GALNT13: variants seen among roughly 807,000 people sequenced by gnomAD.
GALNT13 encodes polypeptide N-acetylgalactosaminyltransferase 13, also known as UDP-GalNAc:polypeptide N-acetylgalactosaminyltransferase 13.
GALNT13 carries 28 observed loss-of-function variants against 64.2 expected under a neutral mutation model. That is an observed-to-expected ratio of 0.44 (90% CI 0.32 to 0.60). The LOEUF (loss-of-function observed/expected upper bound fraction) is 0.60, where lower values mean the gene tolerates loss of function less well. Among genes scored for constraint, GALNT13 ranks in the 20% least tolerant of loss-of-function variants. The probability of loss-of-function intolerance (pLI) is 0.05; values close to 1 mark genes in which losing one functional copy is unlikely to be tolerated. For missense variants in GALNT13, 577 were observed against 669.8 expected, an observed-to-expected ratio of 0.86 and a Z score of 1.53; for synonymous variants, 214 against 224.6, an observed-to-expected ratio of 0.95 and a Z score of 0.42.
At chr2:154,040,119 T>C (rs1233451356) in intron 3 of GALNT13, among the ~76,000 whole-genome samples, 1 of 141,002 alleles carries the variant, frequency 7.1e-6, no homozygotes, top group African/African-American at 2.4e-5. Flanking sequence ...AAGTGTTGAA[T>C]GCACAGTGTC....
At chr2:154,372,639 TA>T (rs1697763980) in intron 9 of GALNT13, among the ~76,000 whole-genome samples, 1 of 152,032 alleles carries the variant, frequency 6.6e-6, no homozygotes, top group Non-Finnish European at 1.5e-5. Context: ...GGAAGTGAGG[TA>T]AAATATAAAC....
the GALNT13 span, among the ~76,000 whole-genome samples, chr2:153,315,474 T>C: frequency 6.6e-6 from 1 of 152,200 alleles, no homozygotes; most frequent in South Asian, 2.1e-4. Flanking sequence ...TGGGAAAACA[T>C]AATCATTCAG....
intron 7 of GALNT13, among the ~76,000 whole-genome samples, chr2:154,255,276 C>T (rs996757846): frequency 1.3e-5 from 2 of 151,988 alleles, no homozygotes; most frequent in South Asian, 2.1e-4. Context: ...ATTGTAGAGG[C>T]GGGAGCAGGA....
the GALNT13 span, among the ~76,000 whole-genome samples, chr2:153,715,149 G>T: frequency 6.6e-6 from 1 of 152,166 alleles, no homozygotes; most frequent in South Asian, 2.1e-4. Context: ...AAATCCAATT[G>T]CTGGCCTCAC....
chr2:153,871,351 C>T (rs2105207010), upstream of GALNT13, among the ~76,000 whole-genome samples: 1 of 152,292 alleles, frequency 6.6e-6, no homozygotes, highest in Non-Finnish European at 1.5e-5. Flanking sequence ...ACACTAGGAT[C>T]CTGCCAGGGT....
chr2:153,763,707 G>C, the GALNT13 span, among the ~76,000 whole-genome samples: 2 of 152,200 alleles, frequency 1.3e-5, no homozygotes, highest in African/African-American at 4.8e-5. Flanking sequence ...CCAGGAACTA[G>C]TGGGGTACTG....
chr2:153,619,244 A>C, the GALNT13 span, among the ~76,000 whole-genome samples: 13 of 152,154 alleles, frequency 8.5e-5, no homozygotes, highest in South Asian at 2.7e-3. Context: ...TTTATAACCC[A>C]CTATTTCAAC....
At chr2:154,345,802 C>A (rs924844411) in intron 9 of GALNT13, among the ~76,000 whole-genome samples, 64 of 152,030 alleles carry the variant, frequency 4.2e-4, no homozygotes, top group African/African-American at 1.2e-3. Context: ...TAAAGACTTT[C>A]AGGTGAGAAT....
At chr2:153,527,333 T>A in the GALNT13 span, among the ~76,000 whole-genome samples, 1 of 152,078 alleles carries the variant, frequency 6.6e-6, no homozygotes, top group Non-Finnish European at 1.5e-5. Context: ...CTCCAATACA[T>A]CTATCAGTAG....
At chr2:154,053,833 T>C (rs1034375402) in intron 3 of GALNT13, among the ~76,000 whole-genome samples, 5 of 152,174 alleles carry the variant, frequency 3.3e-5, no homozygotes, top group African/African-American at 9.6e-5. Context: ...ATCTTCTTAA[T>C]TGTGAAATGC....
At chr2:154,158,940 G>A (rs1573775284) in intron 4 of GALNT13, among the ~76,000 whole-genome samples, 1 of 151,726 alleles carries the variant, frequency 6.6e-6, no homozygotes, top group Admixed American at 6.6e-5. Flanking sequence ...ACTCCAACCC[G>A]TGACACTTTC....
chr2:153,449,130 G>A, the GALNT13 span, among the ~76,000 whole-genome samples: 1 of 152,254 alleles, frequency 6.6e-6, no homozygotes, highest in African/African-American at 2.4e-5. Flanking sequence ...CTGTCTACAA[G>A]CCAGGAACAG....
intron 9 of GALNT13, among the ~76,000 whole-genome samples, chr2:154,312,881 A>G (rs1225842466): frequency 1.3e-5 from 2 of 152,196 alleles, no homozygotes; most frequent in African/African-American, 4.8e-5. Context: ...CAAAAATAAA[A>G]TTATTAGCTT....
At chr2:153,592,305 T>C in the GALNT13 span, among the ~76,000 whole-genome samples, 1 of 152,118 alleles carries the variant, frequency 6.6e-6, no homozygotes, top group East Asian at 1.9e-4. Context: ...AAAATGTAAC[T>C]GTAACTCAAT....
At chr2:153,268,722 T>A in the GALNT13 span, among the ~76,000 whole-genome samples, 2 of 152,228 alleles carry the variant, frequency 1.3e-5, no homozygotes, top group African/African-American at 4.8e-5. Context: ...TTTCCATACA[T>A]CCTCTGAAAT....
chr2:154,407,128 C>T lies in GALNT13; in HGVS notation c.1297-1856C>T, dbSNP rs117679078. On this transcript the variant is annotated intron_variant, in intron 10 of 12. Transcript: ENST00000392825. The stretch of plus-strand genomic sequence containing the variant: ...TTTCCAGCAGAGAGAGAAAGCCTTA[C>T]AAACAATTCAAGCTGTAACCCCTGT... Among the ~76,000 whole-genome samples, 30 of 152,200 alleles carry T rather than the reference C, an allele frequency of 2.0e-4. 1 individual carries two copies. The East Asian group carries it at 5.8e-3, about 29-fold the overall frequency.
the GALNT13 span, among the ~76,000 whole-genome samples, chr2:153,418,725 G>C: frequency 6.6e-6 from 1 of 152,116 alleles, no homozygotes. Context: ...GGGCATGGTG[G>C]TGCATGCCTG....
At chr2:154,322,383 G>C (rs1694671309) in intron 9 of GALNT13, among the ~76,000 whole-genome samples, 1 of 151,826 alleles carries the variant, frequency 6.6e-6, no homozygotes, top group South Asian at 2.1e-4. Flanking sequence ...CACTAAAGAG[G>C]TGCATCTTCC....
At chr2:153,104,713 G>A in the GALNT13 span, among the ~76,000 whole-genome samples, 4 of 151,998 alleles carry the variant, frequency 2.6e-5, no homozygotes, top group African/African-American at 4.8e-5. Flanking sequence ...AACATGTAAG[G>A]CTGTGAAAGA....
Sources: gnomAD v4.1 joint callset for allele counts (sites outside exome capture counted in the v4.1 genomes callset) on GRCh38, gnomAD v4.1.1 for gene constraint, MANE v1.5 for transcripts, NCBI Gene and HGNC (gene_info 2026-07-23, HGNC 2026-07-21) for gene names.